Variants in FSIP2 observed in about 807,000 individuals in gnomAD.
FSIP2 encodes the protein fibrous sheath interacting protein 2.
In FSIP2, 367 loss-of-function variants were observed where a neutral mutation model predicts 510.5. The observed-to-expected ratio is 0.72, with a 90% CI of 0.66 to 0.78. The LOEUF (loss-of-function observed/expected upper bound fraction) is 0.78, where lower values mean the gene tolerates loss of function less well. Among genes scored for constraint, FSIP2 ranks in the 30% least tolerant of loss-of-function variants. FSIP2 has a pLI of 0.00. For synonymous variants in FSIP2, 2,601 were observed against 2,732.2 expected, an observed-to-expected ratio of 0.95 and a Z score of 1.50; for missense variants, 7,594 against 7,901.7, an observed-to-expected ratio of 0.96 and a Z score of 1.48.
At position 185,800,967 on chromosome 2, in the gene FSIP2, A is replaced by T. The variant is rs1693420655; in HGVS notation, c.11661A>T (p.Ala3887=). The T allele has an allele frequency of 1.3e-6, 2 of 1,529,048 alleles. No individual in the cohort carries two copies. Among genetic ancestry groups the T allele is most frequent in the Non-Finnish European group, 1.7e-6 (2 of 1,143,242 alleles). The allele number at this position is 1,529,048 out of a possible 1,614,324, so 94.7% of individuals were successfully genotyped here. Residue 3887 remains alanine (A), a synonymous_variant, in exon 17 of 23, where the codon GCA becomes GCT. Coordinates refer to ENST00000424728, the MANE Select transcript of FSIP2 (RefSeq NM_173651.4). ...AAATACAGTCTAGTTTCATAAAAGC[A>T]AGAAAGTCAGAATTAATAGAATTAG... ...TREIQSSFIK[A]RKSELIELGQ...
chr2:185,742,259 AT>A (rs1375414628), intron 2 of FSIP2, among the ~76,000 whole-genome samples: 1 of 152,194 alleles, frequency 6.6e-6, no homozygotes, highest in Admixed American at 6.5e-5. Context: ...ATAAGCCATT[AT>A]CACCATCTTG....
intron 13 of FSIP2, among the ~76,000 whole-genome samples, chr2:185,772,356 A>G (rs988164701): frequency 1.3e-5 from 2 of 152,130 alleles, no homozygotes; most frequent in Non-Finnish European, 2.9e-5. Flanking sequence ...TTGTATTGCT[A>G]TAAAGGAATA....
Position 185,797,135 on chromosome 2 carries a change from T to C in FSIP2, c.9999T>C (p.Ile3333=). The stretch of plus-strand genomic sequence containing the variant: ...AAATATGTTTAGCTGCAGAAAATAT[T>C]GTCAATACTGTGCTATCCAGCTGTG... The part of the protein sequence containing the change: ...PLKICLAAEN[I]VNTVLSSCGF... Residue 3333 remains isoleucine (I), a synonymous_variant, in exon 16 of 23, where the codon ATT becomes ATC. Coordinates refer to ENST00000424728, the MANE Select transcript of FSIP2 (RefSeq NM_173651.4). 1 of 1,535,016 alleles carries C rather than the reference T, an allele frequency of 6.5e-7. No individual in the cohort carries two copies. Among genetic ancestry groups the C allele is most frequent in the Non-Finnish European group, 8.7e-7 (1 of 1,146,230 alleles).
At chr2:185,744,645 T>G in intron 4 of FSIP2, 1 of 173,304 alleles carries the variant, frequency 5.8e-6, no homozygotes. Context: ...GTAGCTGGCA[T>G]AATTCAATAA....
In FSIP2 at chr2:185,794,695, T is replaced by C; in HGVS notation, c.7559T>C (p.Ile2520Thr). ...GCCAACTTTATATCTAATTCTAAGA[T>C]TAAAACATCAGACACAACACAGAAA... The part of the protein sequence containing the change: ...ETANFISNSK[I>T]KTSDTTQKNS... The change falls in exon 16 of 23, where the codon ATT becomes ACT. Residue 2520 changes from isoleucine (I) to threonine (T), a missense_variant. By Grantham distance (89) the Ile-to-Thr change is moderately conservative (BLOSUM62 -1). Transcript: ENST00000424728. The C allele has an allele frequency of 1.3e-6, 2 of 1,533,952 alleles. No individual in the cohort carries two copies. The highest frequency in any genetic ancestry group is 1.7e-6 in the Non-Finnish European group (2 of 1,145,600).
chr2:185,798,813 A>G lies in FSIP2; in HGVS notation c.10391-884A>G, dbSNP rs116216345. Among the ~76,000 whole-genome samples, 1,120 of 151,952 alleles carry G rather than the reference A, an allele frequency of 7.4e-3. 22 individuals are homozygous for G. The highest frequency in any genetic ancestry group is 0.026 in the African/African-American group (1,063 of 41,514). On this transcript the variant is annotated intron_variant, in intron 16 of 22. Transcript: ENST00000424728. ...TGACACTTGGCTCTAACAATTCTATATTCCTATTCTCAGACATCTCCAAGG... is the reference window on the plus strand; with the variant it reads ...TGACACTTGGCTCTAACAATTCTATGTTCCTATTCTCAGACATCTCCAAGG...
intron 8 of FSIP2, among the ~76,000 whole-genome samples, chr2:185,754,364 T>A (rs1692202443): frequency 6.6e-6 from 1 of 151,434 alleles, no homozygotes; most frequent in Non-Finnish European, 1.5e-5. Context: ...TAGATAAAAT[T>A]TCATGGCCAG....
rs190779054 is a variant in FSIP2, at chr2:185,803,164, T to G, written c.13858T>G (p.Ser4620Ala). Residue 4620 changes from serine (S) to alanine (A), a missense_variant, in exon 17 of 23, where the codon TCA becomes GCA. By Grantham distance (99) the Ser-to-Ala change is moderately conservative. Coordinates refer to ENST00000424728, the MANE Select transcript of FSIP2 (RefSeq NM_173651.4). Reference sequence around the variant, plus strand: ...GTTATTTTATACCAGTGTTTACTCTTCAACATTCTTGGAAGATGTAATCTC... The same window carrying G: ...GTTATTTTATACCAGTGTTTACTCTGCAACATTCTTGGAAGATGTAATCTC... Reference protein sequence around the residue: ...RQLFYTSVYSSTFLEDVISGV... With the variant: ...RQLFYTSVYSATFLEDVISGV... The G allele has an allele frequency of 6.8e-4, 1,043 of 1,532,476 alleles. 17 individuals are homozygous for G. Among genetic ancestry groups the G allele is most frequent in the Non-Finnish European group, 6.2e-5 (71 of 1,144,752 alleles). 94.9% of individuals were successfully genotyped at this position (1,532,476 alleles called of 1,614,324 possible).
In FSIP2 at chr2:185,801,978, G is replaced by C; in HGVS notation, c.12672G>C (p.Met4224Ile). 1 of 1,524,756 alleles carries C rather than the reference G, an allele frequency of 6.6e-7. No individual in the cohort carries two copies. Among genetic ancestry groups the C allele is most frequent in the Non-Finnish European group, 8.8e-7 (1 of 1,141,734 alleles). The allele number at this position is 1,524,756 out of a possible 1,614,324, so 94.5% of individuals were successfully genotyped here. Residue 4224 changes from methionine to isoleucine, a missense_variant, in exon 17 of 23, where the codon ATG becomes ATC. Coordinates refer to ENST00000424728, the MANE Select transcript of FSIP2 (RefSeq NM_173651.4). ...CTGTATATTGTAATATTTTGCAAAT[G>C]TCTGACTCTCTTGTTTCAATACAAA... The part of the protein sequence containing the change: ...VDSVYCNILQ[M>I]SDSLVSIQKS...
At position 185,795,648 on chromosome 2, in the gene FSIP2, A is replaced by T. The variant is rs1405992797; in HGVS notation, c.8512A>T (p.Lys2838Ter). The change falls in exon 16 of 23, where the codon AAA becomes TAA. Residue 2838 changes from lysine to a stop codon, truncating the protein, a stop_gained. Transcript: ENST00000424728. LOFTEE classifies it high-confidence loss of function. The stretch of plus-strand genomic sequence containing the variant: ...CATTTTTCCTAGAGAAGGTATATTT[A>T]AAAAATTGTTTGACAAGTGGCAAAC... The part of the protein sequence containing the change: ...EHIFPREGIF[K>*]KLFDKWQTES... The T allele has an allele frequency of 2.6e-6, 4 of 1,534,272 alleles. No individual in the cohort carries two copies. The highest frequency in any genetic ancestry group is 3.5e-6 in the Non-Finnish European group (4 of 1,145,746).
chr2:185,742,843 C>T (rs1691950289), intron 2 of FSIP2, among the ~76,000 whole-genome samples: 1 of 152,142 alleles, frequency 6.6e-6, no homozygotes, highest in African/African-American at 2.4e-5. Context: ...ATATGCTATT[C>T]CCTTTCTTTT....
chr2:185,780,934 C>T (rs1692835792), intron 13 of FSIP2, among the ~76,000 whole-genome samples: 1 of 152,130 alleles, frequency 6.6e-6, no homozygotes, highest in Non-Finnish European at 1.5e-5. Context: ...GGATTTGAAA[C>T]TCAAGGTCAT....
intron 13 of FSIP2, among the ~76,000 whole-genome samples, chr2:185,772,575 G>A (rs1257044708): frequency 6.6e-6 from 1 of 152,010 alleles, no homozygotes; most frequent in African/African-American, 2.4e-5. Context: ...CTCAGCACAA[G>A]AACTCACTCA....
At chr2:185,799,069 T>C (rs529366335) in intron 16 of FSIP2, among the ~76,000 whole-genome samples, 1 of 151,928 alleles carries the variant, frequency 6.6e-6, no homozygotes, top group Admixed American at 6.6e-5. Context: ...CCATTGCAAA[T>C]AGGTAATGAT....
chr2:185,829,198 C>T (rs1694067050), intron 21 of FSIP2, among the ~76,000 whole-genome samples: 1 of 151,816 alleles, frequency 6.6e-6, no homozygotes, highest in Non-Finnish European at 1.5e-5. Flanking sequence ...TTTGTTCTTT[C>T]CCTCTTTGCT....
intron 13 of FSIP2, among the ~76,000 whole-genome samples, chr2:185,769,294 T>C (rs557699284): frequency 8.5e-5 from 13 of 152,056 alleles, no homozygotes; most frequent in African/African-American, 2.9e-4. Context: ...CTTGCCAGCA[T>C]CTATTATTTT....
rs574477875 is a variant in FSIP2, at chr2:185,818,900, A to G, written c.20426+3429A>G. On this transcript the variant is annotated intron_variant, in intron 19 of 22. Coordinates refer to ENST00000424728, the MANE Select transcript of FSIP2 (RefSeq NM_173651.4). ...GCCATATGAAATTATGTAAATTTTAACAAATGTAAATACATTAACAAATAT... is the reference window on the plus strand; with the variant it reads ...GCCATATGAAATTATGTAAATTTTAGCAAATGTAAATACATTAACAAATAT... Among the ~76,000 whole-genome samples, 6 of 152,092 alleles carry G rather than the reference A, an allele frequency of 3.9e-5. No homozygotes were observed. The East Asian group carries it at 1.2e-3, about 30-fold the overall frequency.
intron 14 of FSIP2, among the ~76,000 whole-genome samples, chr2:185,785,005 C>T (rs770652776): frequency 6.6e-6 from 1 of 152,026 alleles, no homozygotes; most frequent in Non-Finnish European, 1.5e-5. Flanking sequence ...TAGGCCTTTG[C>T]ACTTTCGTGC....
At chr2:185,809,444 T>C (rs1693679785) in intron 17 of FSIP2, among the ~76,000 whole-genome samples, 1 of 152,066 alleles carries the variant, frequency 6.6e-6, no homozygotes, top group Non-Finnish European at 1.5e-5. Context: ...GAAGTTATAA[T>C]TGTCATTTAA....
Sources: gnomAD v4.1 joint callset for allele counts (sites outside exome capture counted in the v4.1 genomes callset) on GRCh38, gnomAD v4.1.1 for gene constraint, MANE v1.5 for transcripts, NCBI Gene and HGNC (gene_info 2026-07-23, HGNC 2026-07-21) for gene names.